CAMK2D: variants seen among roughly 807,000 people sequenced by gnomAD.
CAMK2D encodes the protein calcium/calmodulin dependent protein kinase II delta.
CAMK2D carries 37 observed loss-of-function variants against 84.0 expected under a neutral mutation model. The ratio of observed to expected loss-of-function variants is 0.44; its 90% CI spans 0.34 to 0.58. The LOEUF is 0.58. Ranked by LOEUF, CAMK2D falls within the 20% of genes least tolerant of loss-of-function variation. The probability of loss-of-function intolerance (pLI) is 0.02; values close to 1 mark genes in which losing one functional copy is unlikely to be tolerated. For missense variants in CAMK2D, 448 were observed against 652.5 expected (o/e 0.69, Z 3.41); for synonymous variants, 202 against 212.5 (o/e 0.95, Z 0.43).
intron 2 of CAMK2D, among the ~76,000 whole-genome samples, chr4:113,735,483 C>T (rs1593843074): frequency 2.0e-5 from 3 of 148,722 alleles, no homozygotes; most frequent in Middle Eastern, 6.9e-3. Flanking sequence ...AAAAAACAAA[C>T]AACAACAAAA....
At chr4:113,501,396 T>C (rs2098043247) in intron 15 of CAMK2D, among the ~76,000 whole-genome samples, 1 of 152,094 alleles carries the variant, frequency 6.6e-6, no homozygotes, top group African/African-American at 2.4e-5. Context: ...AGACATAGTT[T>C]TCTACTTGGA....
At chr4:113,626,507 G>A (rs1467128125) in intron 3 of CAMK2D, among the ~76,000 whole-genome samples, 1 of 152,132 alleles carries the variant, frequency 6.6e-6, no homozygotes, top group African/African-American at 2.4e-5. Flanking sequence ...CATTTGTTAT[G>A]AATAAATATT....
Position 113,647,460 on chromosome 4 carries a change from GTTGTAA to G in CAMK2D, c.220+14247_220+14252del, listed in dbSNP as rs559493990. 5.1e-3 allele frequency among the ~76,000 whole-genome samples: 781 copies of G among 152,264 alleles called. 3 individuals carry two copies. Among genetic ancestry groups the G allele is most frequent in the Admixed American group, 7.3e-3 (112 of 15,284 alleles). ...AATAATGCTGGCTATTTATCTTTTT[GTTGTAA>G]TTGTAACTCTTACTTTAAATCACTG... is the stretch of plus-strand genomic sequence containing the variant. On this transcript the variant is annotated intron_variant, in intron 3 of 20. Transcript: ENST00000511664.
intron 2 of CAMK2D, among the ~76,000 whole-genome samples, chr4:113,713,787 G>A (rs1266221821): frequency 1.3e-5 from 2 of 151,066 alleles, no homozygotes; most frequent in South Asian, 2.1e-4. Context: ...TAATAGCCTG[G>A]GTACCTATCC....
intron 2 of CAMK2D, among the ~76,000 whole-genome samples, chr4:113,664,612 GGGAAGAGTAT>G (rs1192171131): frequency 7.9e-5 from 12 of 152,224 alleles, no homozygotes; most frequent in African/African-American, 2.6e-4. Context: ...AGTCACCAAA[GGGAAGAGTAT>G]GGTAAGCAAA....
chr4:113,754,629 A>C, intron 2 of CAMK2D: 1 of 980,158 alleles, frequency 1.0e-6, no homozygotes, highest in Non-Finnish European at 1.2e-6. Context: ...TATTTTCTTC[A>C]TTTAATGAAA....
At chr4:113,654,432 T>C (rs778703755) in intron 3 of CAMK2D, among the ~76,000 whole-genome samples, 5 of 152,044 alleles carry the variant, frequency 3.3e-5, no homozygotes, top group African/African-American at 4.8e-5. Flanking sequence ...TTAAACACAC[T>C]GGTTCTATAC....
intron 3 of CAMK2D, among the ~76,000 whole-genome samples, chr4:113,646,435 G>C (rs1055373673): frequency 6.6e-6 from 1 of 152,176 alleles, no homozygotes; most frequent in Non-Finnish European, 1.5e-5. Context: ...GTGCATCAGA[G>C]ATAAAGCAAG....
intron 8 of CAMK2D, among the ~76,000 whole-genome samples, chr4:113,526,241 T>A (rs190537959): frequency 6.6e-6 from 1 of 152,282 alleles, no homozygotes; most frequent in Admixed American, 6.5e-5. Flanking sequence ...GAAATGGAAA[T>A]TGGTGGCACA....
intron 16 of CAMK2D, among the ~76,000 whole-genome samples, chr4:113,480,472 C>T (rs1390234018): frequency 6.6e-6 from 1 of 151,976 alleles, no homozygotes; most frequent in Non-Finnish European, 1.5e-5. Flanking sequence ...CATGTTGCAC[C>T]TTAATACCAA....
chr4:113,504,555 A>G (rs181955580), intron 14 of CAMK2D, among the ~76,000 whole-genome samples: 8 of 152,354 alleles, frequency 5.3e-5, no homozygotes, highest in Non-Finnish European at 1.0e-4. Context: ...GTTGTCTAGC[A>G]ACAATCCCAT....
At chr4:113,595,311 C>T (rs1345421489) in intron 4 of CAMK2D, among the ~76,000 whole-genome samples, 2 of 152,082 alleles carry the variant, frequency 1.3e-5, no homozygotes, top group African/African-American at 2.4e-5. Context: ...CTCAGATCTA[C>T]AGCCAGAAAG....
intron 4 of CAMK2D, among the ~76,000 whole-genome samples, chr4:113,605,587 T>C (rs1201173962): frequency 6.6e-6 from 1 of 152,220 alleles, no homozygotes; most frequent in African/African-American, 2.4e-5. Context: ...CAGTTTACAA[T>C]ACCATACCTT....
intron 5 of CAMK2D, chr4:113,548,868 G>A (rs890347261): frequency 1.6e-5 from 9 of 557,376 alleles, no homozygotes; most frequent in East Asian, 1.6e-4. Context: ...TTAGCTTTAC[G>A]TTGGAATCAA....
Position 113,527,722 on chromosome 4 carries a change from A to T in CAMK2D, c.601+3494T>A, listed in dbSNP as rs1330391040. On this transcript the variant is annotated intron_variant, in intron 8 of 20. Transcript: ENST00000511664. The stretch of plus-strand genomic sequence containing the variant: ...AACACCAATAAAACTTATACATTAT[A>T]AAAAAAGGTTTTAAATTTTCAAAAA... Among the ~76,000 whole-genome samples the T allele has an allele frequency of 2.0e-5, 3 of 152,194 alleles. No individual in the cohort carries two copies. The South Asian group carries it at 6.2e-4, about 32-fold the overall frequency.
intron 2 of CAMK2D, among the ~76,000 whole-genome samples, chr4:113,757,567 G>GA (rs1054367289): frequency 4.6e-4 from 70 of 151,922 alleles, no homozygotes; most frequent in African/African-American, 1.4e-3. Flanking sequence ...AAGTCACAAG[G>GA]AAAAAAAATT....
intron 8 of CAMK2D, 122 bp from the exon 9 acceptor site, chr4:113,517,779 A>C: frequency 1.8e-6 from 1 of 562,346 alleles, no homozygotes. Flanking sequence ...ATTGTAGGAA[A>C]ACTTCAGAAA....
chr4:113,719,071 A>G (rs1562026413), intron 2 of CAMK2D, among the ~76,000 whole-genome samples: 2 of 152,112 alleles, frequency 1.3e-5, no homozygotes, highest in South Asian at 2.1e-4. Context: ...AGATAAACAT[A>G]AACTGTTAAT....
chr4:113,693,921 A>C (rs1218209930), intron 2 of CAMK2D, among the ~76,000 whole-genome samples: 53 of 152,210 alleles, frequency 3.5e-4, no homozygotes, highest in Non-Finnish European at 2.9e-5. Flanking sequence ...TTCTATAAGC[A>C]TTCCAAAGCT....
Sources: gnomAD v4.1 joint callset for allele counts (sites outside exome capture counted in the v4.1 genomes callset) on GRCh38, gnomAD v4.1.1 for gene constraint, MANE v1.5 for transcripts, NCBI Gene and HGNC (gene_info 2026-07-23, HGNC 2026-07-21) for gene names.